The following CTSC variants were observed in gnomAD, a reference collection of about 807,000 sequenced individuals.
The protein encoded by CTSC is cathepsin C, also known as dipeptidyl peptidase 1.
A neutral mutation model predicts 40.9 loss-of-function variants in CTSC; 37 were observed. The ratio of observed to expected loss-of-function variants is 0.91; its 90% CI spans 0.70 to 1.19. CTSC has a LOEUF of 1.19. CTSC is among the 50% of genes most tolerant of loss of function. The pLI, the probability that CTSC is intolerant of heterozygous loss-of-function variation, is 0.00. For missense variants in CTSC, 594 were observed against 567.3 expected, an observed-to-expected ratio of 1.05 and a Z score of -0.48; for synonymous variants, 232 against 207.4, an observed-to-expected ratio of 1.12 and a Z score of -1.02.
chr11:88,336,949 T>C (rs2134832719), intron 1 of CTSC, among the ~76,000 whole-genome samples: 1 of 152,250 alleles, frequency 6.6e-6, no homozygotes, highest in Admixed American at 6.5e-5. Flanking sequence ...TTTAAAAAAT[T>C]TTTACCTCCT....
At chr11:88,296,729 A>C in intron 5 of CTSC, 1 of 243,082 alleles carries the variant, frequency 4.1e-6, no homozygotes, top group South Asian at 5.2e-5. Flanking sequence ...CCCCAATCCC[A>C]AAAGTGATGG....
rs147502745 is a variant in CTSC, at chr11:88,328,831, T to G, written c.318+6106A>C. 8.1e-3 allele frequency among the ~76,000 whole-genome samples: 1,228 copies of G among 152,260 alleles called. 50 individuals are homozygous for G. The highest frequency in any genetic ancestry group is 0.075 in the Admixed American group (1,144 of 15,290). Reference sequence around the variant, plus strand: ...TTAGTATAGAGGGGTTTCACCATGTTGAGGCTGGACTCCATCTTCTGACCT... The same window carrying G: ...TTAGTATAGAGGGGTTTCACCATGTGGAGGCTGGACTCCATCTTCTGACCT... On this transcript the variant is annotated intron_variant, in intron 2 of 6. Coordinates refer to ENST00000227266, the MANE Select transcript of CTSC (RefSeq NM_001814.6).
chr11:88,326,849 A>G (rs1406677091), intron 2 of CTSC, among the ~76,000 whole-genome samples: 1 of 152,242 alleles, frequency 6.6e-6, no homozygotes, highest in Admixed American at 6.5e-5. Flanking sequence ...TCCCATTTAC[A>G]CAACAAATTA....
At chr11:88,325,321 G>A in intron 2 of CTSC, 1 of 985,422 alleles carries the variant, frequency 1.0e-6, no homozygotes, top group Non-Finnish European at 1.2e-6. Context: ...GTTTAGGCAA[G>A]AAAGTCAGTA....
At chr11:88,305,716 C>T (rs772244437) in intron 4 of CTSC, among the ~76,000 whole-genome samples, 4 of 152,234 alleles carry the variant, frequency 2.6e-5, no homozygotes, top group Non-Finnish European at 5.9e-5. Context: ...ATATTTCCTA[C>T]TTCACTCAAT....
At chr11:88,334,377 G>A (rs1938437006) in intron 2 of CTSC, among the ~76,000 whole-genome samples, 2 of 152,222 alleles carry the variant, frequency 1.3e-5, no homozygotes, top group Admixed American at 1.3e-4. Context: ...AAGGAAACAA[G>A]CTGGGTTGAC....
intron 3 of CTSC, among the ~76,000 whole-genome samples, chr11:88,310,277 A>G (rs1457016613): frequency 6.6e-6 from 1 of 151,634 alleles, no homozygotes; most frequent in East Asian, 1.9e-4. Flanking sequence ...GCTTGGATAT[A>G]TATGTAAATA....
At chr11:88,315,038 T>C (rs181387575) in intron 2 of CTSC, among the ~76,000 whole-genome samples, 194 of 152,368 alleles carry the variant, frequency 1.3e-3, no homozygotes, top group African/African-American at 4.5e-3. Context: ...TACTAAACTA[T>C]GTAAAACTTC....
At chr11:88,313,575 C>T (rs935585858) in intron 2 of CTSC, among the ~76,000 whole-genome samples, 1 of 152,026 alleles carries the variant, frequency 6.6e-6, no homozygotes, top group Non-Finnish European at 1.5e-5. Flanking sequence ...GCCTAGTCAC[C>T]CTCATGTTAG....
chr11:88,328,091 A>T, intron 2 of CTSC: 1 of 1,574,486 alleles, frequency 6.4e-7, no homozygotes, highest in Non-Finnish European at 8.7e-7. Flanking sequence ...AGAAAGTTAG[A>T]AATTTTTCAA....
chr11:88,320,028 C>T (rs1000853550), intron 2 of CTSC, among the ~76,000 whole-genome samples: 6 of 152,132 alleles, frequency 3.9e-5, no homozygotes, highest in Admixed American at 1.3e-4. Flanking sequence ...TTTGCCAAAT[C>T]CATCAGAGTG....
chr11:88,302,300 C>T (rs910037030), intron 4 of CTSC, among the ~76,000 whole-genome samples: 1 of 152,158 alleles, frequency 6.6e-6, no homozygotes, highest in African/African-American at 2.4e-5. Flanking sequence ...CCGTCTCTCA[C>T]AGCTTCTCTT....
chr11:88,336,681 A>G lies in CTSC; in HGVS notation c.172+820T>C, dbSNP rs540803016. ...ATAGCTGATTTTTTACTGACTCTGC[A>G]GAAGTCACAGGCTGTAAGAGGGTTT... On this transcript the variant is annotated intron_variant, in intron 1 of 6. Coordinates refer to ENST00000227266, the MANE Select transcript of CTSC (RefSeq NM_001814.6). Among the ~76,000 whole-genome samples the G allele has an allele frequency of 5.9e-5, 9 of 152,348 alleles. No individual in the cohort carries two copies. In the South Asian group the frequency reaches 1.0e-3, roughly 18 times the overall value.
At chr11:88,313,624 G>A (rs1041365501) in intron 2 of CTSC, among the ~76,000 whole-genome samples, 4 of 152,164 alleles carry the variant, frequency 2.6e-5, no homozygotes, top group Non-Finnish European at 4.4e-5. Context: ...GATCCAGGAT[G>A]ACTGTGTAGC....
Position 88,294,124 on chromosome 11 carries a change from A to G in CTSC, c.1274T>C (p.Val425Ala). ...DSASGMDYWI[V>A]KNSWGTGWGE... ...CCAGCCGGTGCCCCAGCTGTTTTTA[A>G]CAATCCAGTAATCCATCCCAGAGGC... The change falls in exon 7 of 7, where the codon GTT (valine) becomes GCT (alanine). Residue 425 changes from valine to alanine, a missense_variant. Physicochemically the swap from Val to Ala is moderately conservative, Grantham distance 64. Coordinates refer to ENST00000227266, the MANE Select transcript of CTSC (RefSeq NM_001814.6). 1 of 1,613,960 alleles carries G rather than the reference A, an allele frequency of 6.2e-7. No individual in the cohort carries two copies. The highest frequency in any genetic ancestry group is 8.5e-7 in the Non-Finnish European group (1 of 1,180,006).
At chr11:88,296,537 G>C (rs936018912) in intron 5 of CTSC, 77 of 390,944 alleles carry the variant, frequency 2.0e-4, no homozygotes, top group African/African-American at 1.4e-3. Context: ...CATAATTTCT[G>C]AGAAGCTTTT....
rs1339565586 is a variant in CTSC, at chr11:88,326,130, A to T, written c.318+8807T>A. On this transcript the variant is annotated intron_variant, in intron 2 of 6. Transcript: ENST00000227266. ...TATTAAAAAACTGAACGGTGAAGCC[A>T]CCCAAGATTTTGCATCTTCAGAATT... 33 of 1,312,774 alleles carry T rather than the reference A, an allele frequency of 2.5e-5. No individual in the cohort carries two copies. The East Asian group carries it at 7.6e-4, about 30-fold the overall frequency. The allele number at this position is 1,312,774 out of a possible 1,614,324, so 81.3% of individuals were successfully genotyped here. A position where few individuals can be genotyped will look rare whatever the true frequency, so the allele number is the denominator to read the frequency against.
At chr11:88,326,545 C>T (rs1347753299) in intron 2 of CTSC, 2 of 753,446 alleles carry the variant, frequency 2.7e-6, no homozygotes, top group African/African-American at 1.9e-5. Flanking sequence ...AAAAAAATAC[C>T]AGCACTGATA....
chr11:88,327,822 G>T, intron 2 of CTSC: 1 of 406,002 alleles, frequency 2.5e-6, no homozygotes, highest in Non-Finnish European at 4.6e-6. Flanking sequence ...TTTTTAGCTG[G>T]GTCTTTACCC....
Sources: gnomAD v4.1 joint callset for allele counts (sites outside exome capture counted in the v4.1 genomes callset) on GRCh38, gnomAD v4.1.1 for gene constraint, MANE v1.5 for transcripts, NCBI Gene and HGNC (gene_info 2026-07-23, HGNC 2026-07-21) for gene names.